NADSYN1: variants seen among roughly 807,000 people sequenced by gnomAD.
NADSYN1 encodes glutamine-dependent NAD(+) synthetase.
In NADSYN1, 80 loss-of-function variants were observed where a neutral mutation model predicts 99.3. The observed-to-expected ratio is 0.81, with a 90% CI of 0.67 to 0.97. NADSYN1 has a LOEUF of 0.97. NADSYN1 is among the 50% of genes least tolerant of loss of function. The probability of loss-of-function intolerance (pLI) is 0.00; values close to 1 mark genes in which losing one functional copy is unlikely to be tolerated. For missense variants in NADSYN1, 859 were observed against 948.5 expected, an observed-to-expected ratio of 0.91 and a Z score of 1.24; for synonymous variants, 385 against 372.1, an observed-to-expected ratio of 1.03 and a Z score of -0.40.
intron 18 of NADSYN1, among the ~76,000 whole-genome samples, chr11:71,495,587 A>T (rs1410854151): frequency 1.3e-5 from 2 of 152,192 alleles, no homozygotes; most frequent in East Asian, 1.9e-4. Context: ...TTTTCATCTT[A>T]GTTGTTCTGT....
At chr11:71,487,746 G>A (rs1265312082) in intron 16 of NADSYN1, among the ~76,000 whole-genome samples, 1 of 148,286 alleles carries the variant, frequency 6.7e-6, no homozygotes, top group Non-Finnish European at 1.5e-5. Flanking sequence ...CAGGAGAATG[G>A]CATGAACCCA....
At chr11:71,488,903 G>A (rs10898200) in intron 16 of NADSYN1, among the ~76,000 whole-genome samples, 115,269 of 152,016 alleles carry the variant, frequency 0.76, 45,108 homozygotes, top group Non-Finnish European at 0.88. Flanking sequence ...GAGAGGGAGT[G>A]GACTTGCTGG....
chr11:71,476,268 C>A, intron 9 of NADSYN1: 1 of 362,382 alleles, frequency 2.8e-6, no homozygotes, highest in Non-Finnish European at 5.5e-6. Flanking sequence ...GGCATTAAAG[C>A]AGCGGATTCA....
intron 5 of NADSYN1, among the ~76,000 whole-genome samples, chr11:71,466,456 G>A (rs1048468274): frequency 1.3e-5 from 2 of 152,178 alleles, no homozygotes; most frequent in African/African-American, 4.8e-5. Flanking sequence ...TCCAGGTATC[G>A]TTTGCTTCTG....
intron 11 of NADSYN1, 181 bp downstream of exon 11, chr11:71,481,060 AC>A: frequency 3.6e-6 from 3 of 833,584 alleles, no homozygotes; most frequent in South Asian, 1.8e-5. Flanking sequence ...CCTGGGTGTG[AC>A]CCCCAGCCCT....
intron 5 of NADSYN1, among the ~76,000 whole-genome samples, chr11:71,465,586 T>C (rs1949582725): frequency 6.6e-6 from 1 of 152,184 alleles, no homozygotes; most frequent in Non-Finnish European, 1.5e-5. Flanking sequence ...TCCTCAGGCA[T>C]TTACTGGCAT....
intron 5 of NADSYN1, among the ~76,000 whole-genome samples, chr11:71,467,814 A>G (rs1949602624): frequency 6.6e-6 from 1 of 152,256 alleles, no homozygotes; most frequent in South Asian, 2.1e-4. Flanking sequence ...TTGAAAGAAA[A>G]TGGAAACATC....
At chr11:71,464,396 T>C (rs985685055) in intron 5 of NADSYN1, 1 of 416,388 alleles carries the variant, frequency 2.4e-6, no homozygotes, top group Non-Finnish European at 4.4e-6. Context: ...GGTTACACAA[T>C]GTCCCGGGGT....
At chr11:71,490,675 C>T (rs1298276190) in intron 16 of NADSYN1, among the ~76,000 whole-genome samples, 170 bp from the exon 17 acceptor site, 3 of 152,222 alleles carry the variant, frequency 2.0e-5, no homozygotes, top group Non-Finnish European at 1.5e-5. Flanking sequence ...CTCCTGGGTC[C>T]TCTGCAGCCT....
intron 2 of NADSYN1, among the ~76,000 whole-genome samples, chr11:71,456,875 C>T (rs1949518069): frequency 6.6e-6 from 1 of 152,228 alleles, no homozygotes; most frequent in African/African-American, 2.4e-5. Context: ...ACTGAGCACA[C>T]CGCCTCTTGT....
At chr11:71,472,322 C>A in intron 5 of NADSYN1, 127 bp from the exon 6 acceptor site, 1 of 794,132 alleles carries the variant, frequency 1.3e-6, no homozygotes, top group Non-Finnish European at 2.3e-6. Flanking sequence ...TTGGGGGGAA[C>A]GCTTGGCAGT....
rs1231587920 is a variant in NADSYN1 at position 71,482,699 on chromosome 11, G to T, written c.1151-150G>T. ...GGTGGAGCCGCACAGGCACCTGGGG[G>T]TGTAGACCGGGGTGGAGCCGCACAG... is the stretch of plus-strand genomic sequence containing the variant. On this transcript the variant is annotated intron_variant, in intron 13 of 20. Coordinates refer to ENST00000319023, the MANE Select transcript of NADSYN1 (RefSeq NM_018161.5). The T allele has an allele frequency of 3.5e-5, 21 of 603,016 alleles. 1 individual carries two copies. Among genetic ancestry groups the T allele is most frequent in the Non-Finnish European group, 5.0e-5 (18 of 363,046 alleles). 37.4% of individuals were successfully genotyped at this position (603,016 alleles called of 1,614,324 possible).
chr11:71,477,966 A>G (rs1430650165), intron 9 of NADSYN1, among the ~76,000 whole-genome samples: 4 of 152,064 alleles, frequency 2.6e-5, no homozygotes, highest in African/African-American at 4.8e-5. Flanking sequence ...TGTCTTTTTG[A>G]TGAGAGGGGT....
chr11:71,481,298 T>C lies in NADSYN1; in HGVS notation c.999-58T>C, dbSNP rs1004034244. 4.9e-5 allele frequency: 77 copies of C among 1,579,308 alleles called. No homozygotes were observed. In the Middle Eastern group the frequency reaches 6.2e-4, roughly 13 times the overall value. On this transcript the variant is annotated intron_variant, in intron 11 of 20. Transcript: ENST00000319023. The stretch of plus-strand genomic sequence containing the variant: ...TCCTGGGGCCTGCTTGGGTGGGTTG[T>C]TGGGTGCTGTGGGCAGGGGCCACCG...
chr11:71,476,792 C>T, intron 9 of NADSYN1: 1 of 985,828 alleles, frequency 1.0e-6, no homozygotes, highest in Non-Finnish European at 1.2e-6. Context: ...TCACCTGCCC[C>T]AGGACCCCCG....
chr11:71,456,717 C>T (rs529070439), intron 2 of NADSYN1, among the ~76,000 whole-genome samples: 1 of 152,230 alleles, frequency 6.6e-6, no homozygotes, highest in Non-Finnish European at 1.5e-5. Flanking sequence ...ACTAAAGGCC[C>T]CCGGGATGGA....
intron 5 of NADSYN1, among the ~76,000 whole-genome samples, chr11:71,468,915 G>C (rs757764250): frequency 6.6e-6 from 1 of 152,218 alleles, no homozygotes; most frequent in African/African-American, 2.4e-5. Context: ...ACTATAACCA[G>C]AGATGTGTAA....
At chr11:71,481,049 C>T in intron 11 of NADSYN1, 170 bp downstream of exon 11, 1 of 923,354 alleles carries the variant, frequency 1.1e-6, no homozygotes, top group Non-Finnish European at 1.6e-6. Flanking sequence ...GAGCCAGAAC[C>T]CCTGGGTGTG....
intron 16 of NADSYN1, among the ~76,000 whole-genome samples, chr11:71,487,708 G>A (rs1004169157): frequency 6.6e-5 from 10 of 151,750 alleles, no homozygotes; most frequent in Admixed American, 1.3e-4. Context: ...GCAGGTGCCT[G>A]TAGTCCCAGC....
Sources: gnomAD v4.1 joint callset for allele counts (sites outside exome capture counted in the v4.1 genomes callset) on GRCh38, gnomAD v4.1.1 for gene constraint, MANE v1.5 for transcripts, NCBI Gene and HGNC (gene_info 2026-07-23, HGNC 2026-07-21) for gene names.